The following PDZRN4 variants were observed in gnomAD, a reference collection of about 807,000 sequenced individuals.
PDZRN4 encodes PDZ domain-containing RING finger protein 4.
PDZRN4 carries 70 observed loss-of-function variants against 99.0 expected under a neutral mutation model. The observed-to-expected ratio is 0.71, with a 90% CI of 0.58 to 0.86. The LOEUF (loss-of-function observed/expected upper bound fraction) is 0.86, where lower values mean the gene tolerates loss of function less well. Among genes scored for constraint, PDZRN4 ranks in the 40% least tolerant of loss-of-function variants. The pLI, the probability that PDZRN4 is intolerant of heterozygous loss-of-function variation, is 0.00. For missense variants in PDZRN4, 1,474 were observed against 1,331.2 expected, an observed-to-expected ratio of 1.11 and a Z score of -1.67; for synonymous variants, 551 against 501.6, an observed-to-expected ratio of 1.10 and a Z score of -1.32.
intron 3 of PDZRN4, among the ~76,000 whole-genome samples, chr12:41,480,508 G>A (rs1937655422): frequency 6.6e-6 from 1 of 152,154 alleles, no homozygotes; most frequent in Admixed American, 6.5e-5. Flanking sequence ...GCTAACAGTA[G>A]TGGGTTTTAT....
chr12:41,321,724 T>C (rs1026270217), intron 3 of PDZRN4, among the ~76,000 whole-genome samples: 3 of 152,220 alleles, frequency 2.0e-5, no homozygotes, highest in African/African-American at 7.2e-5. Flanking sequence ...CATCTCATAT[T>C]GCCTTAGGAA....
At chr12:41,400,455 C>G (rs1240842312) in intron 3 of PDZRN4, among the ~76,000 whole-genome samples, 1 of 152,106 alleles carries the variant, frequency 6.6e-6, no homozygotes, top group Non-Finnish European at 1.5e-5. Context: ...TTTCGAGGCA[C>G]CATCAAGGGT....
chr12:41,556,043 T>C (rs186464304), intron 7 of PDZRN4, among the ~76,000 whole-genome samples: 66 of 152,338 alleles, frequency 4.3e-4, no homozygotes, highest in East Asian at 2.3e-3. Flanking sequence ...TAACCTCCTC[T>C]CATCCTAAGC....
At chr12:41,421,035 C>T (rs1399672663) in intron 3 of PDZRN4, among the ~76,000 whole-genome samples, 1 of 152,152 alleles carries the variant, frequency 6.6e-6, no homozygotes, top group African/African-American at 2.4e-5. Context: ...CCATTGATTT[C>T]CTCCTATCAC....
chr12:41,489,259 G>T lies in PDZRN4; in HGVS notation c.844-17197G>T, dbSNP rs2120622589. On this transcript the variant is annotated intron_variant, in intron 3 of 9. Coordinates refer to ENST00000402685, the MANE Select transcript of PDZRN4 (RefSeq NM_001164595.2). ...AGACATTTTTGGAGATGTTTTGGGT[G>T]GGGGCAGAGGTGTGCTTCTGACATC... 1.3e-5 allele frequency among the ~76,000 whole-genome samples: 2 copies of T among 152,112 alleles called. 1 individual carries two copies. The highest frequency in any genetic ancestry group is 4.2e-4 in the South Asian group (2 of 4,802).
chr12:41,238,068 C>T lies in PDZRN4; in HGVS notation c.843+43880C>T, dbSNP rs185028711. On this transcript the variant is annotated intron_variant, in intron 3 of 9. Transcript: ENST00000402685. Reference sequence around the variant, plus strand: ...CTATAGATTACTTTGAGCAGTACAGCCATTTTCACGATATTGATTCTTTCT... The same window carrying T: ...CTATAGATTACTTTGAGCAGTACAGTCATTTTCACGATATTGATTCTTTCT... 2.8e-3 allele frequency among the ~76,000 whole-genome samples: 425 copies of T among 152,152 alleles called. 2 individuals are homozygous for T. The highest frequency in any genetic ancestry group is 9.5e-3 in the African/African-American group (396 of 41,506).
intron 3 of PDZRN4, among the ~76,000 whole-genome samples, chr12:41,394,003 T>C (rs548276661): frequency 6.6e-6 from 1 of 152,292 alleles, no homozygotes; most frequent in Non-Finnish European, 1.5e-5. Context: ...TAGCAAAATA[T>C]CTTAGATTGA....
At chr12:41,221,578 G>T (rs1591973695) in intron 3 of PDZRN4, among the ~76,000 whole-genome samples, 1 of 152,018 alleles carries the variant, frequency 6.6e-6, no homozygotes, top group African/African-American at 2.4e-5. Context: ...ACTCAGGAAA[G>T]AACTGGCTAG....
At chr12:41,488,867 G>T (rs1387218505) in intron 3 of PDZRN4, among the ~76,000 whole-genome samples, 1 of 152,112 alleles carries the variant, frequency 6.6e-6, no homozygotes, top group Non-Finnish European at 1.5e-5. Context: ...GTCCCGATTA[G>T]ATCCAGCATT....
intron 3 of PDZRN4, among the ~76,000 whole-genome samples, chr12:41,434,808 A>G (rs1195400374): frequency 6.6e-6 from 1 of 152,092 alleles, no homozygotes; most frequent in Non-Finnish European, 1.5e-5. Flanking sequence ...TTCATTCCCT[A>G]CTTATTTTTT....
chr12:41,439,057 T>A (rs913541657), intron 3 of PDZRN4, among the ~76,000 whole-genome samples: 1 of 152,164 alleles, frequency 6.6e-6, no homozygotes, highest in Non-Finnish European at 1.5e-5. Flanking sequence ...AAAGTGGATT[T>A]GCTACACATG....
At chr12:41,302,817 C>G (rs148432848) in intron 3 of PDZRN4, among the ~76,000 whole-genome samples, 29 of 151,882 alleles carry the variant, frequency 1.9e-4, no homozygotes, top group African/African-American at 6.0e-4. Context: ...TGAGATGTAC[C>G]TAATCTAAGT....
chr12:41,481,523 A>G (rs1391467234), intron 3 of PDZRN4, among the ~76,000 whole-genome samples: 2 of 152,100 alleles, frequency 1.3e-5, no homozygotes, highest in East Asian at 3.9e-4. Flanking sequence ...TAGTCTTATC[A>G]TACCAAAAGT....
chr12:41,349,428 T>C (rs1951875562), intron 3 of PDZRN4, among the ~76,000 whole-genome samples: 1 of 151,970 alleles, frequency 6.6e-6, no homozygotes, highest in African/African-American at 2.4e-5. Flanking sequence ...GAGATTATTA[T>C]AGGCACCCAT....
intron 3 of PDZRN4, among the ~76,000 whole-genome samples, chr12:41,257,473 T>C (rs1319394985): frequency 6.6e-6 from 1 of 152,136 alleles, no homozygotes; most frequent in Non-Finnish European, 1.5e-5. Flanking sequence ...ATTTAGAACA[T>C]AGCAATGGTG....
At chr12:41,437,980 G>A in intron 3 of PDZRN4, 1 of 1,614,104 alleles carries the variant, frequency 6.2e-7, no homozygotes, top group Non-Finnish European at 8.5e-7. Flanking sequence ...AGAAAAGAGA[G>A]GAACACTACA....
chr12:41,205,524 C>T (rs764124557), intron 3 of PDZRN4, among the ~76,000 whole-genome samples: 5 of 151,908 alleles, frequency 3.3e-5, no homozygotes, highest in Non-Finnish European at 7.4e-5. Context: ...TTTCAGAATG[C>T]ACCCAGCACT....
chr12:41,317,968 T>A (rs1259347166), intron 3 of PDZRN4, among the ~76,000 whole-genome samples: 1 of 152,184 alleles, frequency 6.6e-6, no homozygotes, highest in African/African-American at 2.4e-5. Flanking sequence ...CACAGGCAGG[T>A]GATTTTGATG....
chr12:41,247,314 C>T (rs1340311324), intron 3 of PDZRN4, among the ~76,000 whole-genome samples: 2 of 151,932 alleles, frequency 1.3e-5, no homozygotes, highest in East Asian at 1.9e-4. Context: ...ACTAGCATTA[C>T]CTGAGGAGCT....
Sources: allele counts gnomAD v4.1 joint callset (sites outside exome capture counted in the v4.1 genomes callset), GRCh38; gene constraint gnomAD v4.1.1; transcripts MANE v1.5; gene names NCBI Gene and HGNC (gene_info 2026-07-23, HGNC 2026-07-21).